The following VDR variants were observed in gnomAD, a reference collection of about 807,000 sequenced individuals.
VDR encodes vitamin D3 receptor.
VDR carries 19 observed loss-of-function variants against 39.7 expected under a neutral mutation model. That is an observed-to-expected ratio of 0.48 (90% CI 0.33 to 0.70). The LOEUF is 0.70. Among genes scored for constraint, VDR ranks in the 30% least tolerant of loss-of-function variants. The pLI is 0.02. For synonymous variants in VDR, 242 were observed against 215.8 expected (o/e 1.12, Z -1.07); for missense variants, 442 against 570.5 (o/e 0.77, Z 2.29).
chr12:47,845,111 C>T, intron 9 of VDR, 106 bp from the exon 10 acceptor site: 1 of 1,547,996 alleles, frequency 6.5e-7, no homozygotes, highest in Non-Finnish European at 8.8e-7. Flanking sequence ...GGCAGCACCC[C>T]CTAGGCCACC....
intron 1 of VDR, among the ~76,000 whole-genome samples, chr12:47,887,190 C>T (rs970322253): frequency 2.0e-5 from 3 of 151,722 alleles, no homozygotes; most frequent in South Asian, 2.1e-4. Flanking sequence ...GCTTTGGTGG[C>T]GGGTGCCTGT....
intron 7 of VDR, among the ~76,000 whole-genome samples, chr12:47,851,306 G>C (rs959852706): frequency 1.3e-5 from 2 of 152,158 alleles, no homozygotes; most frequent in African/African-American, 4.8e-5. Context: ...TTCATTTGCA[G>C]TGCCAGCAGG....
chr12:47,863,386 G>C lies in VDR; in HGVS notation c.277+1661C>G, dbSNP rs534329389. Among the ~76,000 whole-genome samples the C allele has an allele frequency of 2.6e-5, 4 of 152,360 alleles. No homozygotes were observed. In the South Asian group the frequency reaches 8.3e-4, roughly 32 times the overall value. On this transcript the variant is annotated intron_variant, in intron 4 of 9. Transcript: ENST00000549336. ...GCATCAGTGAGCTTAGTCCTGAGGG[G>C]AACTCCTGTGGCAGTGCCTTACGAA... is the stretch of plus-strand genomic sequence containing the variant.
chr12:47,865,035 C>T lies in VDR; in HGVS notation c.277+12G>A, dbSNP rs1565618193. On this transcript the variant is annotated intron_variant, in intron 4 of 9. Coordinates refer to ENST00000549336, the MANE Select transcript of VDR (RefSeq NM_000376.3). ...TTCAGGCCCAAACCCTGCCCAGCCC[C>T]TGGACACTCACACTCCTTCATCATG... 1 of 1,613,112 alleles carries T rather than the reference C, an allele frequency of 6.2e-7. No homozygotes were observed. The highest frequency in any genetic ancestry group is 1.3e-5 in the African/African-American group (1 of 75,070).
At chr12:47,874,850 A>T (rs1203521994) in intron 3 of VDR, among the ~76,000 whole-genome samples, 1 of 152,196 alleles carries the variant, frequency 6.6e-6, no homozygotes, top group Non-Finnish European at 1.5e-5. Context: ...ATGCATATAC[A>T]TATATGGATC....
At chr12:47,866,005 G>A (rs558453718) in intron 3 of VDR, among the ~76,000 whole-genome samples, 1 of 151,930 alleles carries the variant, frequency 6.6e-6, no homozygotes, top group East Asian at 1.9e-4. Flanking sequence ...GTGAGCCATC[G>A]CGCACAGCCA....
At chr12:47,879,228 C>G in intron 2 of VDR, 113 bp from the exon 3 acceptor site, 3 of 1,335,630 alleles carry the variant, frequency 2.2e-6, no homozygotes, top group Non-Finnish European at 3.0e-6. Flanking sequence ...CCCCCCACCA[C>G]CAGGGAGCTC....
rs545991360 is a variant in VDR, at chr12:47,900,057, T to C, written c.-84+4898A>G. 7.1e-4 allele frequency: 421 copies of C among 594,030 alleles called. 1 individual carries two copies. Among genetic ancestry groups the C allele is most frequent in the South Asian group, 3.5e-3 (48 of 13,658 alleles). The allele number at this position is 594,030 out of a possible 1,614,324, so 36.8% of individuals were successfully genotyped here. ...GCACATAGTAGGTTTTCAATAAAGATGCCTGTTTGAAAGATTGTTTCCTAT... is the reference window on the plus strand; with the variant it reads ...GCACATAGTAGGTTTTCAATAAAGACGCCTGTTTGAAAGATTGTTTCCTAT... On this transcript the variant is annotated intron_variant, in intron 1 of 9. Transcript: ENST00000549336.
Position 47,841,884 on chromosome 12 carries a change from A to T in VDR, c.*2862T>A, listed in dbSNP as rs1030538243. Reference sequence around the variant, plus strand: ...GGCACCTTCTCCTTCAGTTATAATGATATACCTTAAAAGTTTTACATTTAC... The same window carrying T: ...GGCACCTTCTCCTTCAGTTATAATGTTATACCTTAAAAGTTTTACATTTAC... On this transcript the variant is annotated 3_prime_UTR_variant, in exon 10 of 10. Transcript: ENST00000549336. The T allele has an allele frequency of 1.3e-5, 2 of 152,316 alleles. No homozygotes were observed. Among genetic ancestry groups the T allele is most frequent in the Non-Finnish European group, 2.9e-5 (2 of 68,034 alleles). 9.4% of individuals were successfully genotyped at this position (152,316 alleles called of 1,614,324 possible). A position where few individuals can be genotyped will look rare whatever the true frequency, so the allele number is the denominator to read the frequency against.
chr12:47,872,104 T>TA (rs34183367), intron 3 of VDR, among the ~76,000 whole-genome samples: 1 of 152,248 alleles, frequency 6.6e-6, no homozygotes, highest in Admixed American at 6.5e-5. Flanking sequence ...ACGTTACATT[T>TA]AAAAAATCCA....
intron 4 of VDR, among the ~76,000 whole-genome samples, chr12:47,863,505 G>C (rs1308290982): frequency 6.6e-6 from 1 of 152,148 alleles, no homozygotes; most frequent in Non-Finnish European, 1.5e-5. Context: ...TGCGGAGATG[G>C]GACTGTGCTG....
chr12:47,902,610 T>C (rs1163558175), intron 1 of VDR, among the ~76,000 whole-genome samples: 1 of 152,196 alleles, frequency 6.6e-6, no homozygotes, highest in East Asian at 1.9e-4. Context: ...GCTGGAGCCC[T>C]GTAATTCTTT....
intron 5 of VDR, 113 bp downstream of exon 5, chr12:47,857,391 C>G: frequency 6.2e-7 from 1 of 1,601,738 alleles, no homozygotes; most frequent in South Asian, 1.1e-5. Flanking sequence ...AGCCTCCGTC[C>G]CTACCCCAGT....
chr12:47,852,894 G>A (rs1945413945), intron 7 of VDR, among the ~76,000 whole-genome samples: 1 of 152,094 alleles, frequency 6.6e-6, no homozygotes, highest in African/African-American at 2.4e-5. Context: ...TCATTTTCCA[G>A]CTCCCCATAT....
intron 7 of VDR, among the ~76,000 whole-genome samples, chr12:47,847,541 C>A (rs1028223548): frequency 2.6e-5 from 4 of 152,088 alleles, no homozygotes; most frequent in Non-Finnish European, 1.5e-5. Flanking sequence ...AGCATCATGC[C>A]ACTCCACATT....
At chr12:47,881,259 T>C (rs1242190971) in intron 2 of VDR, among the ~76,000 whole-genome samples, 1 of 151,864 alleles carries the variant, frequency 6.6e-6, no homozygotes, top group Non-Finnish European at 1.5e-5. Flanking sequence ...GAAAACAAAA[T>C]AGCACATGTT....
chr12:47,902,753 C>T lies in VDR; in HGVS notation c.-84+2202G>A, dbSNP rs569973496. On this transcript the variant is annotated intron_variant, in intron 1 of 9. Coordinates refer to ENST00000549336, the MANE Select transcript of VDR (RefSeq NM_000376.3). The stretch of plus-strand genomic sequence containing the variant: ...CAGATGCCTATTCCAGCCAGGACAG[C>T]GGTGCCTCCTTAGGATGTGGGGTAA... 7.2e-5 allele frequency among the ~76,000 whole-genome samples: 11 copies of T among 152,262 alleles called. 1 individual carries two copies. The East Asian group carries it at 9.6e-4, about 13-fold the overall frequency.
intron 6 of VDR, among the ~76,000 whole-genome samples, chr12:47,856,614 GTT>G (rs58233888): frequency 0.016 from 2,236 of 141,650 alleles, 31 homozygotes; most frequent in Non-Finnish European, 0.022. Context: ...ATACATATGT[GTT>G]TTTTTTAAAA....
chr12:47,872,516 A>G (rs1945904552), intron 3 of VDR, among the ~76,000 whole-genome samples: 1 of 152,136 alleles, frequency 6.6e-6, no homozygotes, highest in Admixed American at 6.5e-5. Flanking sequence ...GCAGAGTTTG[A>G]AACCATATTT....
Sources: allele counts gnomAD v4.1 joint callset (sites outside exome capture counted in the v4.1 genomes callset), GRCh38; gene constraint gnomAD v4.1.1; transcripts MANE v1.5; gene names NCBI Gene and HGNC (gene_info 2026-07-23, HGNC 2026-07-21).